Variants in FAM163B observed in about 807,000 individuals in gnomAD.
FAM163B encodes the protein family with sequence similarity 163 member B, also known as protein FAM163B.
Under a neutral mutation model 7.6 loss-of-function variants are expected in FAM163B, and 4 were observed. That is an observed-to-expected ratio of 0.52 (90% confidence interval 0.26 to 1.20). The LOEUF (loss-of-function observed/expected upper bound fraction) is 1.20. Ranked by LOEUF, FAM163B falls within the 50% of genes most tolerant of loss-of-function variation. The pLI is 0.14. For missense variants in FAM163B, 250 were observed against 243.0 expected (o/e 1.03, Z -0.19); for synonymous variants, 120 against 111.6 (o/e 1.07, Z -0.47).
chr9:133,585,352 C>T (rs1016394436), intron 1 of FAM163B, among the ~76,000 whole-genome samples: 3 of 152,234 alleles, frequency 2.0e-5, no homozygotes, highest in Non-Finnish European at 4.4e-5. Flanking sequence ...CTGGGCCACA[C>T]GTCCCGTGCT....
At chr9:133,592,024 C>T (rs7856830) in intron 1 of FAM163B, among the ~76,000 whole-genome samples, 36,892 of 152,042 alleles carry the variant, frequency 0.24, 6,169 homozygotes, top group African/African-American at 0.47. Context: ...CTAGTGCTCG[C>T]GGCCTGGCCC....
In FAM163B at chr9:133,600,404, G is replaced by A. The variant is rs955188026; in HGVS notation, c.-24+8673C>T. Among the ~76,000 whole-genome samples, 3 of 152,100 alleles carry A rather than the reference G, an allele frequency of 2.0e-5. No individual in the cohort carries two copies. The highest frequency in any genetic ancestry group is 4.4e-5 in the Non-Finnish European group (3 of 67,984). ...CCCACACGGCAGCCGGGGCAGGGGC[G>A]TGTGCCACAGTACCCCTGTTTCCCT... On this transcript the variant is annotated intron_variant, in intron 1 of 2. Coordinates refer to ENST00000673969, the MANE Select transcript of FAM163B (RefSeq NM_001080515.3). This position sits in a 1 kb window ranked among gnomAD's most constrained non-coding sequence, Gnocchi z 4.9.
At chr9:133,599,028 C>G (rs906652646) in intron 1 of FAM163B, among the ~76,000 whole-genome samples, 25 of 152,178 alleles carry the variant, frequency 1.6e-4, no homozygotes, top group African/African-American at 5.8e-4. Context: ...GGCCCTCCCC[C>G]CTTCCCTGTG....
At position 133,578,766 on chromosome 9, in the gene FAM163B, A is replaced by G; in HGVS notation, c.*256T>C. 1.8e-6 allele frequency: 1 copy of G among 556,312 alleles called. No individual in the cohort carries two copies. Among genetic ancestry groups the G allele is most frequent in the Non-Finnish European group, 2.9e-6 (1 of 346,246 alleles). 34.5% of individuals were successfully genotyped at this position (556,312 alleles called of 1,614,324 possible). ...TGCCTGAGAGCCCTGGTGCATGCCC[A>G]GCCGGCTGTATGGTCACCTGGTCCT... On this transcript the variant is annotated 3_prime_UTR_variant, in exon 3 of 3. Coordinates refer to ENST00000673969, the MANE Select transcript of FAM163B (RefSeq NM_001080515.3).
chr9:133,585,666 C>T (rs890101472), intron 1 of FAM163B, among the ~76,000 whole-genome samples: 66 of 152,366 alleles, frequency 4.3e-4, no homozygotes, highest in African/African-American at 1.5e-3. Flanking sequence ...GGCCCCAGGA[C>T]GGGGAGCCTG....
chr9:133,598,512 G>C (rs574371443), intron 1 of FAM163B, among the ~76,000 whole-genome samples: 3 of 152,130 alleles, frequency 2.0e-5, no homozygotes, highest in African/African-American at 7.2e-5. Flanking sequence ...TGCGTGTGCT[G>C]GGGTGAGGAG....
chr9:133,597,086 C>G (rs1831642992), intron 1 of FAM163B, among the ~76,000 whole-genome samples: 1 of 152,156 alleles, frequency 6.6e-6, no homozygotes, highest in South Asian at 2.1e-4. Flanking sequence ...TATCTGGCAT[C>G]CAGTAACAAA....
chr9:133,594,800 A>G (rs908175708), intron 1 of FAM163B, among the ~76,000 whole-genome samples: 2 of 152,032 alleles, frequency 1.3e-5, no homozygotes, highest in African/African-American at 4.8e-5. Flanking sequence ...AGATGCTGAA[A>G]CCTGAGGATG....
intron 1 of FAM163B, among the ~76,000 whole-genome samples, chr9:133,599,944 CAT>C (rs1564197126): frequency 2.3e-5 from 3 of 127,862 alleles, no homozygotes; most frequent in South Asian, 2.8e-4. Flanking sequence ...GGTCTATGTG[CAT>C]ATGTGTGTGC....
At chr9:133,594,196 C>T (rs1831597641) in intron 1 of FAM163B, among the ~76,000 whole-genome samples, 2 of 152,194 alleles carry the variant, frequency 1.3e-5, no homozygotes, top group African/African-American at 2.4e-5. Flanking sequence ...ATTTGTTTCC[C>T]GTAAGGCATC....
At position 133,600,683 on chromosome 9, in the gene FAM163B, G is replaced by C. The variant is rs1831710655; in HGVS notation, c.-24+8394C>G. ...GGAGAGGTTGGTCTAAGCTCCTGGAGTCGCAGGCTCCCAGAATCTTAAAGC... is the reference window on the plus strand; with the variant it reads ...GGAGAGGTTGGTCTAAGCTCCTGGACTCGCAGGCTCCCAGAATCTTAAAGC... On this transcript the variant is annotated intron_variant, in intron 1 of 2. Transcript: ENST00000673969. This position sits in a 1 kb window ranked among gnomAD's most constrained non-coding sequence, Gnocchi z 4.9. 6.6e-6 allele frequency among the ~76,000 whole-genome samples: 1 copy of C among 150,948 alleles called. No homozygotes were observed. Among genetic ancestry groups the C allele is most frequent in the South Asian group, 2.1e-4 (1 of 4,752 alleles).
At chr9:133,580,730 G>A (rs1831344081) in intron 1 of FAM163B, among the ~76,000 whole-genome samples, 1 of 152,112 alleles carries the variant, frequency 6.6e-6, no homozygotes, top group African/African-American at 2.4e-5. Flanking sequence ...TCTCTAACCC[G>A]ATTCCATTGT....
intron 1 of FAM163B, among the ~76,000 whole-genome samples, chr9:133,605,029 G>A (rs1388589187): frequency 6.6e-6 from 1 of 152,224 alleles, no homozygotes; most frequent in Non-Finnish European, 1.5e-5. Context: ...CTGAGGTCAG[G>A]AGCCAAGGCT....
intron 1 of FAM163B, among the ~76,000 whole-genome samples, chr9:133,596,174 G>C (rs181821030): frequency 1.1e-4 from 16 of 152,220 alleles, no homozygotes; most frequent in Admixed American, 5.2e-4. Context: ...GCACCAATAG[G>C]GCTTGTTGGT....
intron 1 of FAM163B, among the ~76,000 whole-genome samples, chr9:133,581,838 G>A (rs1477187892): frequency 3.3e-5 from 5 of 152,172 alleles, no homozygotes; most frequent in Non-Finnish European, 5.9e-5. Flanking sequence ...GCTAATGACT[G>A]CAGCTGCTCT....
intron 1 of FAM163B, among the ~76,000 whole-genome samples, chr9:133,608,276 C>T (rs573630435): frequency 2.0e-5 from 3 of 152,178 alleles, no homozygotes; most frequent in Non-Finnish European, 2.9e-5. Context: ...GGGGTTGCTA[C>T]GGGACACACA....
chr9:133,603,376 T>A (rs3025335), intron 1 of FAM163B, among the ~76,000 whole-genome samples: 25,252 of 152,142 alleles, frequency 0.17, 2,283 homozygotes, highest in Admixed American at 0.24. Context: ...GGGGGATGTG[T>A]TGGTAGGAAC....
At chr9:133,579,765 T>A (rs2131210661) in intron 2 of FAM163B, among the ~76,000 whole-genome samples, 1 of 152,302 alleles carries the variant, frequency 6.6e-6, no homozygotes, top group South Asian at 2.1e-4. Context: ...GGCAGCTGTG[T>A]TGCCTCGCCC....
chr9:133,598,453 T>G (rs1446483293), intron 1 of FAM163B, among the ~76,000 whole-genome samples: 1 of 152,116 alleles, frequency 6.6e-6, no homozygotes, highest in Non-Finnish European at 1.5e-5. Flanking sequence ...AATGTCTATT[T>G]TAGCTGTTCA....
Sources: gnomAD v4.1 joint callset for allele counts (sites outside exome capture counted in the v4.1 genomes callset) on GRCh38, gnomAD v4.1.1 for gene constraint, Gnocchi (gnomAD v3.1) non-coding constraint, MANE v1.5 for transcripts, NCBI Gene and HGNC (gene_info 2026-07-23, HGNC 2026-07-21) for gene names.